The following HNF1B variants were observed in gnomAD, a reference collection of about 807,000 sequenced individuals.
HNF1B encodes the protein hepatocyte nuclear factor 1-beta.
A neutral mutation model predicts 61.7 loss-of-function variants in HNF1B; 8 were observed. That is an observed-to-expected ratio of 0.13 (90% CI 0.08 to 0.23). HNF1B has a LOEUF of 0.23. Among genes scored for constraint, HNF1B ranks in the 10% least tolerant of loss-of-function variants. The pLI, the probability that HNF1B is intolerant of heterozygous loss-of-function variation, is 1.00. For synonymous variants in HNF1B, 314 were observed against 287.7 expected (o/e 1.09, Z -0.93); for missense variants, 562 against 714.5 (o/e 0.79, Z 2.43).
chr17:37,744,032 C>T (rs1350232741), intron 1 of HNF1B, among the ~76,000 whole-genome samples: 3 of 152,264 alleles, frequency 2.0e-5, no homozygotes, highest in Non-Finnish European at 4.4e-5. Context: ...TCCCAGATCC[C>T]GGCTCCGGAT....
intron 4 of HNF1B, chr17:37,729,618 C>T (rs1174010495): frequency 6.6e-6 from 1 of 152,228 alleles, no homozygotes; most frequent in African/African-American, 2.4e-5. Context: ...GATATCCTTC[C>T]TACCAGACAG....
At chr17:37,734,565 G>A (rs1489858031) in intron 2 of HNF1B, among the ~76,000 whole-genome samples, 1 of 152,178 alleles carries the variant, frequency 6.6e-6, no homozygotes, top group Non-Finnish European at 1.5e-5. Context: ...TCGGCCCAGA[G>A]GTGATGCCTT....
chr17:37,731,419 G>C (rs578072794), intron 4 of HNF1B, 176 bp downstream of exon 4: 2 of 706,276 alleles, frequency 2.8e-6, no homozygotes, highest in African/African-American at 3.5e-5. Context: ...GGAGTTGGAG[G>C]AAACTGATCA....
chr17:37,708,138 C>T (rs1028585393), intron 5 of HNF1B, among the ~76,000 whole-genome samples: 12 of 152,220 alleles, frequency 7.9e-5, no homozygotes, highest in Non-Finnish European at 1.3e-4. Context: ...CCAAGACTTG[C>T]ACATACTGGT....
chr17:37,690,059 T>C (rs1044826891), intron 8 of HNF1B, among the ~76,000 whole-genome samples: 5 of 151,080 alleles, frequency 3.3e-5, no homozygotes, highest in Admixed American at 6.6e-5. Flanking sequence ...TAGGTGGAGA[T>C]GAGCACTCCA....
chr17:37,688,293 C>T (rs1355552664), intron 8 of HNF1B, among the ~76,000 whole-genome samples: 2 of 151,836 alleles, frequency 1.3e-5, no homozygotes, highest in Non-Finnish European at 2.9e-5. Flanking sequence ...CTTTTTGTCT[C>T]CCTGTGTCTC....
rs2033689945 is a variant in HNF1B, at chr17:37,731,677, G to A, written c.963C>T (p.Asn321=). 4.3e-6 allele frequency: 7 copies of A among 1,614,190 alleles called. No homozygotes were observed. The highest frequency in any genetic ancestry group is 5.9e-6 in the Non-Finnish European group (7 of 1,180,034). Residue 321 remains asparagine (N), a synonymous_variant, in exon 4 of 9, where the codon AAC becomes AAT. Transcript: ENST00000617811. Reference sequence around the variant, plus strand: ...GCAGAGGGTTCAGGCTGTGAGTCTGGTTGGAGCTATAGGCGTCCATGGCCA... The same window carrying A: ...GCAGAGGGTTCAGGCTGTGAGTCTGATTGGAGCTATAGGCGTCCATGGCCA... ...QKLAMDAYSS[N]QTHSLNPLLS... is the part of the protein sequence containing the mutation.
intron 4 of HNF1B, among the ~76,000 whole-genome samples, chr17:37,715,247 AT>A (rs1183722424): frequency 6.6e-6 from 1 of 152,144 alleles, no homozygotes; most frequent in Non-Finnish European, 1.5e-5. Context: ...AAAGAAAGAG[AT>A]GAGTCTTTAC....
chr17:37,729,989 C>G (rs1220310435), intron 4 of HNF1B: 3 of 154,292 alleles, frequency 1.9e-5, no homozygotes, highest in African/African-American at 7.2e-5. Flanking sequence ...CCCTCCAGCC[C>G]TAGCTCTCTG....
In HNF1B at chr17:37,700,984, G is replaced by A. The variant is rs2032547053; in HGVS notation, c.1533C>T (p.His511=). The A allele has an allele frequency of 6.4e-7, 1 of 1,555,622 alleles. No individual in the cohort carries two copies. The highest frequency in any genetic ancestry group is 2.4e-5 in the East Asian group (1 of 41,772). Residue 511 remains histidine (H), a splice_region_variant and synonymous_variant, in exon 7 of 9, where the codon CAC becomes CAT. Transcript: ENST00000617811. The stretch of plus-strand genomic sequence containing the variant: ...CCCTCCACATGCCCGTGTCCTTACT[G>A]TGTGAGTTCTGCAGCTGAGTCACAG... ...MAAVTQLQNS[H]MYAHKQEPPQ...
chr17:37,736,474 G>C (rs1225960752), intron 2 of HNF1B, among the ~76,000 whole-genome samples: 1 of 152,216 alleles, frequency 6.6e-6, no homozygotes, highest in African/African-American at 2.4e-5. Flanking sequence ...GGTTCAGACT[G>C]GTGAAGTGAC....
intron 8 of HNF1B, among the ~76,000 whole-genome samples, chr17:37,691,774 C>T (rs3110637): frequency 0.057 from 8,739 of 152,182 alleles, 845 homozygotes; most frequent in African/African-American, 0.2. Context: ...GCCTAACTCC[C>T]AGGTCGATGC....
intron 1 of HNF1B, among the ~76,000 whole-genome samples, chr17:37,743,449 T>G (rs1231308373): frequency 2.0e-5 from 3 of 152,110 alleles, no homozygotes; most frequent in Non-Finnish European, 2.9e-5. Flanking sequence ...ATCTACAAGT[T>G]CCCCTGATTG....
At chr17:37,704,408 G>A (rs2032671492) in intron 6 of HNF1B, among the ~76,000 whole-genome samples, 1 of 152,192 alleles carries the variant, frequency 6.6e-6, no homozygotes, top group African/African-American at 2.4e-5. Flanking sequence ...TGGCCAAGGA[G>A]ATTTCATATA....
At chr17:37,714,745 C>T (rs938953500) in intron 4 of HNF1B, among the ~76,000 whole-genome samples, 6 of 152,290 alleles carry the variant, frequency 3.9e-5, no homozygotes, top group Middle Eastern at 3.4e-3. Context: ...TCAGAAGTGC[C>T]AAAGGCATGG....
chr17:37,691,157 CA>C (rs760859892), intron 8 of HNF1B, among the ~76,000 whole-genome samples: 17 of 152,150 alleles, frequency 1.1e-4, no homozygotes, highest in Non-Finnish European at 2.2e-4. Flanking sequence ...CCATTGGTTT[CA>C]GCAGCATGGA....
intron 4 of HNF1B, among the ~76,000 whole-genome samples, chr17:37,716,842 A>ATCTCTCTCTCTCTCTCTCTCTC (rs55634127): frequency 4.6e-5 from 6 of 131,288 alleles, no homozygotes; most frequent in African/African-American, 1.7e-4. Context: ...CACTTTAACA[A>ATCTCTCTCTCTCTCTCTCTCTC]TCTCTCTCTC....
At chr17:37,727,273 G>C (rs917522184) in intron 4 of HNF1B, among the ~76,000 whole-genome samples, 1 of 152,208 alleles carries the variant, frequency 6.6e-6, no homozygotes, top group African/African-American at 2.4e-5. Context: ...AGAATGGGCT[G>C]TCATGGAGCC....
intron 5 of HNF1B, 38 bp downstream of exon 5, chr17:37,710,465 T>C (rs1228308417): frequency 6.2e-7 from 1 of 1,612,406 alleles, no homozygotes; most frequent in South Asian, 1.1e-5. Flanking sequence ...CCTCTTATCT[T>C]ATCAGCTCCA....
Sources: gnomAD v4.1 joint callset for allele counts (sites outside exome capture counted in the v4.1 genomes callset) on GRCh38, gnomAD v4.1.1 for gene constraint, MANE v1.5 for transcripts, NCBI Gene and HGNC (gene_info 2026-07-23, HGNC 2026-07-21) for gene names.